DOCK3: variants seen among roughly 807,000 people sequenced by gnomAD.
The protein encoded by DOCK3 is dedicator of cytokinesis 3, also known as dedicator of cytokinesis protein 3.
Under a neutral mutation model 265.6 loss-of-function variants are expected in DOCK3, and 60 were observed. The observed-to-expected ratio is 0.23, with a 90% CI of 0.18 to 0.28. DOCK3 has a LOEUF of 0.28. Ranked by LOEUF, DOCK3 falls within the 10% of genes least tolerant of loss-of-function variation. The pLI is 1.00. For synonymous variants in DOCK3, 881 were observed against 938.0 expected (o/e 0.94, Z 1.11); for missense variants, 1,981 against 2,594.3 (o/e 0.76, Z 5.14).
At chr3:50,774,314 A>C (rs2041459803) in intron 1 of DOCK3, among the ~76,000 whole-genome samples, 1 of 151,930 alleles carries the variant, frequency 6.6e-6, no homozygotes, top group South Asian at 2.1e-4. Flanking sequence ...TTTAGGGAGA[A>C]TATATATTTT....
chr3:51,186,920 G>A (rs2087638056), intron 12 of DOCK3, among the ~76,000 whole-genome samples: 1 of 152,234 alleles, frequency 6.6e-6, no homozygotes, highest in African/African-American at 2.4e-5. Flanking sequence ...CAGGGGCAGG[G>A]CTCTCATGGA....
At chr3:51,256,611 T>TA (rs1367983880) in intron 22 of DOCK3, among the ~76,000 whole-genome samples, 1 of 150,304 alleles carries the variant, frequency 6.7e-6, no homozygotes, top group Non-Finnish European at 1.5e-5. Context: ...TTTTTTTTTT[T>TA]AGATGGAGTC....
intron 5 of DOCK3, among the ~76,000 whole-genome samples, chr3:51,008,193 G>T (rs760877953): frequency 6.6e-5 from 10 of 152,158 alleles, no homozygotes; most frequent in Non-Finnish European, 1.2e-4. Flanking sequence ...GGATGGCATT[G>T]AATCTATAAA....
intron 14 of DOCK3, among the ~76,000 whole-genome samples, chr3:51,223,440 C>G (rs928567171): frequency 6.6e-6 from 1 of 151,834 alleles, no homozygotes; most frequent in African/African-American, 2.4e-5. Context: ...AGAATAACTT[C>G]CAGAGAGTTC....
chr3:51,381,399 A>G lies in DOCK3; in HGVS notation c.5933A>G (p.Tyr1978Cys). 1 of 1,611,972 alleles carries G rather than the reference A, an allele frequency of 6.2e-7. No individual in the cohort carries two copies. Among genetic ancestry groups the G allele is most frequent in the Non-Finnish European group, 8.5e-7 (1 of 1,179,588 alleles). The change falls in exon 53 of 53, where the codon TAC becomes TGC. Residue 1978 changes from tyrosine (Y) to cysteine (C), a missense_variant. By Grantham distance (194) the Tyr-to-Cys change is radical. Transcript: ENST00000266037. The surrounding 1 kb of genome is among the most constrained non-coding windows in gnomAD (Gnocchi z 5.6). ...CCGCCTGCGCTGCCGCCCAAGCCCT[A>G]CCACCCCCGCCTGCCGGCCCTGGAG... ...MDPPALPPKP[Y>C]HPRLPALEHD...
At chr3:51,054,632 C>T (rs560623709) in intron 5 of DOCK3, among the ~76,000 whole-genome samples, 1 of 152,262 alleles carries the variant, frequency 6.6e-6, no homozygotes, top group East Asian at 1.9e-4. Flanking sequence ...CACTAATTTT[C>T]TTACATTTTG....
intron 3 of DOCK3, among the ~76,000 whole-genome samples, chr3:50,850,571 C>T (rs1030978707): frequency 3.9e-5 from 6 of 152,082 alleles, no homozygotes; most frequent in African/African-American, 1.4e-4. Flanking sequence ...TTTCATGGTG[C>T]CAGAATTCTT....
rs200028488 is a variant in DOCK3 at position 51,341,286 on chromosome 3, C to A, written c.3816C>A (p.Asp1272Glu). ...ACTGTGAGCTGCTGCAGTGGGAGGA[C>A]CGGCCACTACGGGAATTCCTCCACT... is the stretch of plus-strand genomic sequence containing the variant. ...LLYCELLQWE[D>E]RPLREFLHYP... Residue 1272 changes from aspartate to glutamate, a missense_variant, in exon 38 of 53, where the codon GAC (aspartate) becomes GAA (glutamate). Transcript: ENST00000266037. 4.4e-6 allele frequency: 7 copies of A among 1,609,078 alleles called. No individual in the cohort carries two copies. Among genetic ancestry groups the A allele is most frequent in the Non-Finnish European group, 5.9e-6 (7 of 1,177,476 alleles).
intron 2 of DOCK3, among the ~76,000 whole-genome samples, chr3:50,780,228 A>C (rs1343267756): frequency 6.6e-6 from 1 of 152,372 alleles, no homozygotes; most frequent in East Asian, 1.9e-4. Flanking sequence ...CTACTAAAAT[A>C]CCTGCAGCAA....
chr3:51,285,665 T>C (rs1201728182), intron 27 of DOCK3, among the ~76,000 whole-genome samples: 4 of 151,992 alleles, frequency 2.6e-5, no homozygotes, highest in African/African-American at 9.7e-5. Flanking sequence ...CCAGGTGCAG[T>C]GCCTCACACC....
rs1396391804 is a variant in DOCK3, at chr3:51,101,162, G to A, written c.746+10778G>A. ...GGAGTCTCACTCTGTCGCCCAGGCC[G>A]GACTGCGGACTGCAGTGGCGCAATC... On this transcript the variant is annotated intron_variant, in intron 9 of 52. Coordinates refer to ENST00000266037, the MANE Select transcript of DOCK3 (RefSeq NM_004947.5). Among the ~76,000 whole-genome samples, 38 of 131,362 alleles carry A rather than the reference G, an allele frequency of 2.9e-4. No homozygotes were observed. The South Asian group carries it at 4.9e-3, about 17-fold the overall frequency. The allele number at this position is 131,362 out of a possible 152,430, so 86.2% of individuals were successfully genotyped here. A position where few individuals can be genotyped will look rare whatever the true frequency, so the allele number is the denominator to read the frequency against.
Position 50,787,937 on chromosome 3 carries a change from C to T in DOCK3, c.121+9179C>T, listed in dbSNP as rs1395527583. On this transcript the variant is annotated intron_variant, in intron 2 of 52. Transcript: ENST00000266037. ...GTTTACCTCCACTATGATCTGCTCC[C>T]TTTTGTAAAAGACTTCTTCCTCTTC... 5.8e-6 allele frequency: 6 copies of T among 1,030,198 alleles called. No homozygotes were observed. In the Admixed American group the frequency reaches 1.1e-4, roughly 18 times the overall value. 63.8% of individuals were successfully genotyped at this position (1,030,198 alleles called of 1,614,324 possible). A position where few individuals can be genotyped will look rare whatever the true frequency, so the allele number is the denominator to read the frequency against.
chr3:50,679,429 G>T (rs745810059), intron 1 of DOCK3, among the ~76,000 whole-genome samples: 6 of 151,902 alleles, frequency 3.9e-5, no homozygotes, highest in Non-Finnish European at 8.8e-5. Context: ...AAAGTAATGC[G>T]TATTTTATGC....
chr3:50,962,092 G>T (rs906867145), intron 5 of DOCK3, among the ~76,000 whole-genome samples: 1 of 151,810 alleles, frequency 6.6e-6, no homozygotes, highest in African/African-American at 2.4e-5. Context: ...ATGGTGGTTT[G>T]CTGCACCCAT....
At chr3:50,943,702 TTAAG>T (rs2076356633) in intron 5 of DOCK3, among the ~76,000 whole-genome samples, 1 of 152,138 alleles carries the variant, frequency 6.6e-6, no homozygotes. Context: ...TATTAAGTGG[TTAAG>T]TAGTGTATAC....
chr3:50,695,889 G>A (rs554694274), intron 1 of DOCK3, among the ~76,000 whole-genome samples: 2 of 152,308 alleles, frequency 1.3e-5, no homozygotes, highest in South Asian at 2.1e-4. Flanking sequence ...AGCCAGAGTA[G>A]GCTCAGTGAC....
In DOCK3 at chr3:51,382,420, G is replaced by C. The variant is rs956888219; in HGVS notation, c.*861G>C. On this transcript the variant is annotated 3_prime_UTR_variant, in exon 53 of 53. Transcript: ENST00000266037. ...GCTACCTTCCTCCTAGGGGGAGCTG[G>C]TCCCCTTCCTATGTGGTAGAGAGAC... The C allele has an allele frequency of 6.6e-6, 1 of 152,668 alleles. No homozygotes were observed. The highest frequency in any genetic ancestry group is 1.5e-5 in the Non-Finnish European group (1 of 68,082). 9.5% of individuals were successfully genotyped at this position (152,668 alleles called of 1,614,324 possible). A position where few individuals can be genotyped will look rare whatever the true frequency, so the allele number is the denominator to read the frequency against.
chr3:50,977,339 G>T (rs374151760), intron 5 of DOCK3, among the ~76,000 whole-genome samples: 1 of 151,894 alleles, frequency 6.6e-6, no homozygotes, highest in African/African-American at 2.4e-5. Context: ...GGCAGGCCTG[G>T]TGGTGACAAA....
At chr3:51,350,637 A>G (rs1476391495) in intron 40 of DOCK3, among the ~76,000 whole-genome samples, 1 of 152,158 alleles carries the variant, frequency 6.6e-6, no homozygotes, top group Non-Finnish European at 1.5e-5. Flanking sequence ...TACTAAATCA[A>G]TGGAGTTTCT....
Sources: gnomAD v4.1 joint callset for allele counts (sites outside exome capture counted in the v4.1 genomes callset) on GRCh38, gnomAD v4.1.1 for gene constraint, Gnocchi (gnomAD v3.1) non-coding constraint, MANE v1.5 for transcripts, NCBI Gene and HGNC (gene_info 2026-07-23, HGNC 2026-07-21) for gene names.